EDAR: variants seen among roughly 807,000 people sequenced by gnomAD.
EDAR encodes the protein ectodysplasin A receptor.
EDAR carries 38 observed loss-of-function variants against 51.3 expected under a neutral mutation model. That is an observed-to-expected ratio of 0.74 (90% confidence interval 0.57 to 0.97). The LOEUF is 0.97. Ranked by LOEUF, EDAR falls within the 50% of genes least tolerant of loss-of-function variation. The pLI, the probability that EDAR is intolerant of heterozygous loss-of-function variation, is 0.00. For synonymous variants in EDAR, 227 were observed against 242.1 expected, an observed-to-expected ratio of 0.94 and a Z score of 0.58; for missense variants, 528 against 595.0, an observed-to-expected ratio of 0.89 and a Z score of 1.17.
intron 1 of EDAR, among the ~76,000 whole-genome samples, chr2:108,942,774 G>A (rs1697632325): frequency 6.6e-6 from 1 of 152,258 alleles, no homozygotes; most frequent in East Asian, 1.9e-4. Flanking sequence ...ACGAAGGTTC[G>A]TGCCCTGAGA....
intron 10 of EDAR, among the ~76,000 whole-genome samples, chr2:108,907,124 C>A (rs372288183): frequency 2.0e-5 from 3 of 152,174 alleles, no homozygotes; most frequent in African/African-American, 4.8e-5. Context: ...CATTACAGGG[C>A]GGTAGGTGAT....
At chr2:108,975,271 G>C (rs1698302409) in intron 1 of EDAR, among the ~76,000 whole-genome samples, 1 of 152,210 alleles carries the variant, frequency 6.6e-6, no homozygotes. Flanking sequence ...AAGGTGCAGA[G>C]TAAATCCCCT....
intron 1 of EDAR, among the ~76,000 whole-genome samples, chr2:108,936,467 C>T (rs1004673426): frequency 2.7e-5 from 2 of 75,320 alleles, no homozygotes; most frequent in Admixed American, 9.9e-5. Context: ...GAGGCAGCCA[C>T]AGAGCTGGCT....
intron 1 of EDAR, among the ~76,000 whole-genome samples, chr2:108,953,575 C>T (rs1226995146): frequency 6.6e-6 from 1 of 152,092 alleles, no homozygotes; most frequent in Non-Finnish European, 1.5e-5. Flanking sequence ...TTGCAGTTAC[C>T]TCCCATACTT....
chr2:108,973,114 T>G (rs1698264599), intron 1 of EDAR, among the ~76,000 whole-genome samples: 1 of 152,162 alleles, frequency 6.6e-6, no homozygotes, highest in African/African-American at 2.4e-5. Context: ...AGCCTCCCCA[T>G]TAGCTGGGAT....
chr2:108,947,127 G>A (rs1334983069), intron 1 of EDAR, among the ~76,000 whole-genome samples: 1 of 152,228 alleles, frequency 6.6e-6, no homozygotes, highest in Non-Finnish European at 1.5e-5. Context: ...AGGGGCCATA[G>A]GCCCCATGCA....
intron 9 of EDAR, 152 bp from the exon 10 acceptor site, chr2:108,908,171 G>A (rs1042794930): frequency 3.1e-5 from 25 of 796,076 alleles, no homozygotes; most frequent in South Asian, 1.9e-4. Flanking sequence ...TTGTGGGCAC[G>A]GGACCAGGGG....
At chr2:108,978,277 G>C (rs1367029669) in intron 1 of EDAR, among the ~76,000 whole-genome samples, 1 of 152,096 alleles carries the variant, frequency 6.6e-6, no homozygotes, top group Non-Finnish European at 1.5e-5. Context: ...TGTTTCAAGG[G>C]GTTAAATACA....
rs534307063 is a variant in EDAR at position 108,975,119 on chromosome 2, CCTGT to C, written c.-19+13837_-19+13840del. Among the ~76,000 whole-genome samples the C allele has an allele frequency of 1.1e-4, 17 of 152,280 alleles. No individual in the cohort carries two copies. In the East Asian group the frequency reaches 3.1e-3, roughly 28 times the overall value. On this transcript the variant is annotated intron_variant, in intron 1 of 11. Coordinates refer to ENST00000258443, the MANE Select transcript of EDAR (RefSeq NM_022336.4). The stretch of plus-strand genomic sequence containing the variant: ...CACCTGGGGCGAGTGCAGCAGGGAC[CCTGT>C]CTGAGGGTGCTGGGCAGGGTCCAAA...
At chr2:108,937,597 TGA>T (rs1325361335) in intron 1 of EDAR, among the ~76,000 whole-genome samples, 6 of 144,264 alleles carry the variant, frequency 4.2e-5, no homozygotes, top group African/African-American at 1.5e-4. Flanking sequence ...TATTTGTATA[TGA>T]GTGTGTGTAT....
rs192500922 is a variant in EDAR at position 108,972,349 on chromosome 2, A to G, written c.-19+16611T>C. Among the ~76,000 whole-genome samples, 25 of 152,356 alleles carry G rather than the reference A, an allele frequency of 1.6e-4. 1 individual carries two copies. Among genetic ancestry groups the G allele is most frequent in the East Asian group, 1.9e-4 (1 of 5,186 alleles). ...GATTGAACACAGACAATGATGACCA[A>G]ATCAAAACAGGGGCAGGGCACTGCA... On this transcript the variant is annotated intron_variant, in intron 1 of 11. Transcript: ENST00000258443.
chr2:108,965,113 CTGTG>C (rs58651047), intron 1 of EDAR, among the ~76,000 whole-genome samples: 1 of 151,396 alleles, frequency 6.6e-6, no homozygotes, highest in Non-Finnish European at 1.5e-5. Context: ...ATGTGTGTGT[CTGTG>C]TGTGTGTGTG....
intron 1 of EDAR, among the ~76,000 whole-genome samples, chr2:108,966,969 C>T (rs757655197): frequency 2.6e-5 from 4 of 152,250 alleles, no homozygotes; most frequent in Non-Finnish European, 5.9e-5. Context: ...GAGTCTCACT[C>T]TGTTGCCCAG....
chr2:108,955,292 C>A (rs972854269), intron 1 of EDAR, among the ~76,000 whole-genome samples: 1 of 152,072 alleles, frequency 6.6e-6, no homozygotes, highest in African/African-American at 2.4e-5. Context: ...AAAGTATTTA[C>A]AACAGTAAGT....
chr2:108,927,115 C>T lies in EDAR; in HGVS notation c.356+2083G>A, dbSNP rs528105354. 1.2e-4 allele frequency among the ~76,000 whole-genome samples: 19 copies of T among 152,310 alleles called. 1 individual carries two copies. The East Asian group carries it at 3.7e-3, about 29-fold the overall frequency. ...GAGCAGACACAGCACATCATGGAGC[C>T]AACCTGGAAACTGTCCCCATCGTCT... On this transcript the variant is annotated intron_variant, in intron 4 of 11. Coordinates refer to ENST00000258443, the MANE Select transcript of EDAR (RefSeq NM_022336.4).
chr2:108,934,386 A>G (rs185665618), intron 1 of EDAR, among the ~76,000 whole-genome samples: 55 of 152,198 alleles, frequency 3.6e-4, no homozygotes, highest in Non-Finnish European at 6.2e-4. Context: ...GGGATCCCCA[A>G]TCTCCATCAG....
intron 5 of EDAR, among the ~76,000 whole-genome samples, chr2:108,918,811 G>C (rs560604671): frequency 6.6e-6 from 1 of 152,182 alleles, no homozygotes; most frequent in African/African-American, 2.4e-5. Context: ...TGCATTAGAG[G>C]CTGGCTGGGA....
intron 6 of EDAR, among the ~76,000 whole-genome samples, chr2:108,912,280 T>C (rs1696942236): frequency 6.6e-6 from 1 of 152,186 alleles, no homozygotes; most frequent in Non-Finnish European, 1.5e-5. Context: ...AAATGTACAT[T>C]CTGCAAGTTA....
At chr2:108,907,723 G>T in intron 10 of EDAR, 137 bp downstream of exon 10, 1 of 980,604 alleles carries the variant, frequency 1.0e-6, no homozygotes, top group Non-Finnish European at 1.6e-6. Flanking sequence ...ACTTGTCACT[G>T]TCCAGGTCTC....
Sources: gnomAD v4.1 joint callset for allele counts (sites outside exome capture counted in the v4.1 genomes callset) on GRCh38, gnomAD v4.1.1 for gene constraint, MANE v1.5 for transcripts, NCBI Gene and HGNC (gene_info 2026-07-23, HGNC 2026-07-21) for gene names.